Variants in BNC2 observed in about 807,000 individuals in gnomAD.
The protein encoded by BNC2 is basonuclin zinc finger protein 2.
BNC2 carries 20 observed loss-of-function variants against 76.3 expected under a neutral mutation model. That is an observed-to-expected ratio of 0.26 (90% CI 0.18 to 0.38). The LOEUF (loss-of-function observed/expected upper bound fraction) is 0.38. Ranked by LOEUF, BNC2 falls within the 10% of genes least tolerant of loss-of-function variation. The probability of loss-of-function intolerance (pLI) is 1.00; values close to 1 mark genes in which losing one functional copy is unlikely to be tolerated. For synonymous variants in BNC2, 582 were observed against 514.8 expected (o/e 1.13, Z -1.77); for missense variants, 1,382 against 1,399.8 (o/e 0.99, Z 0.20).
chr9:16,709,902 GA>G (rs1358704279), intron 3 of BNC2, among the ~76,000 whole-genome samples: 2 of 152,076 alleles, frequency 1.3e-5, no homozygotes, highest in Non-Finnish European at 2.9e-5. Flanking sequence ...ATATGAAGGG[GA>G]AAAGTGGTTA....
chr9:16,799,996 G>T (rs1263895332), intron 1 of BNC2, among the ~76,000 whole-genome samples: 1 of 152,022 alleles, frequency 6.6e-6, no homozygotes, highest in Admixed American at 6.5e-5. Flanking sequence ...AGGCACAGGT[G>T]GGCAGATCAC....
intron 6 of BNC2, among the ~76,000 whole-genome samples, chr9:16,427,849 A>G (rs16934651): frequency 0.023 from 3,510 of 152,196 alleles, 112 homozygotes; most frequent in African/African-American, 0.071. Flanking sequence ...TCCCTAATCA[A>G]CCGAGCACCA....
At chr9:16,869,237 A>G (rs1819616773) in intron 1 of BNC2, among the ~76,000 whole-genome samples, 1 of 152,104 alleles carries the variant, frequency 6.6e-6, no homozygotes, top group Non-Finnish European at 1.5e-5. Context: ...AAAACAGGCC[A>G]CTTTTTGCCA....
chr9:16,448,352 A>T (rs1283979374), intron 5 of BNC2, among the ~76,000 whole-genome samples: 1 of 152,132 alleles, frequency 6.6e-6, no homozygotes, highest in Non-Finnish European at 1.5e-5. Flanking sequence ...TTTTTACATG[A>T]TGATGGTGAT....
intron 2 of BNC2, among the ~76,000 whole-genome samples, chr9:16,736,214 C>CA (rs56153442): frequency 0.016 from 1,732 of 106,620 alleles, 32 homozygotes; most frequent in African/African-American, 0.048. Context: ...ACTCTGTTTC[C>CA]AAAAAAAAAA....
rs547075483 is a variant in BNC2 at position 16,803,418 on chromosome 9, G to A, written c.4-64933C>T. Among the ~76,000 whole-genome samples, 5 of 152,310 alleles carry A rather than the reference G, an allele frequency of 3.3e-5. No homozygotes were observed. In the South Asian group the frequency reaches 1.0e-3, roughly 32 times the overall value. The stretch of plus-strand genomic sequence containing the variant: ...GTTTTATTACAACGAAGGGAGGCAA[G>A]GGCTGGATTATCCAGCACATAGCAA... On this transcript the variant is annotated intron_variant, in intron 1 of 6. Transcript: ENST00000380672.
chr9:16,603,212 A>C (rs1166639116), intron 3 of BNC2, among the ~76,000 whole-genome samples: 2 of 152,202 alleles, frequency 1.3e-5, no homozygotes, highest in South Asian at 2.1e-4. Flanking sequence ...ATGTTCACAC[A>C]CTAGCAGATA....
chr9:16,576,566 C>T (rs1057238892), intron 4 of BNC2, among the ~76,000 whole-genome samples: 2 of 152,130 alleles, frequency 1.3e-5, no homozygotes, highest in African/African-American at 2.4e-5. Flanking sequence ...TAGACTGGGA[C>T]AAATAATAAA....
chr9:16,804,169 T>G (rs10962612), intron 1 of BNC2, among the ~76,000 whole-genome samples: 75,331 of 152,214 alleles, frequency 0.49, 25,066 homozygotes, highest in Non-Finnish European at 0.75. Flanking sequence ...GAGGAAAGAT[T>G]TGCATATGAG....
intron 5 of BNC2, among the ~76,000 whole-genome samples, chr9:16,467,711 T>A (rs13297644): frequency 1.5e-5 from 2 of 137,542 alleles, no homozygotes; most frequent in East Asian, 2.2e-4. Context: ...AGGGATAGCA[T>A]TGGGAGATAT....
intron 1 of BNC2, among the ~76,000 whole-genome samples, chr9:16,808,542 G>A (rs1012139727): frequency 4.9e-4 from 58 of 119,382 alleles, no homozygotes; most frequent in African/African-American, 1.8e-3. Flanking sequence ...TGGCTGTACT[G>A]CAGTGGTGTG....
chr9:16,450,026 A>C (rs1195757993), intron 5 of BNC2, among the ~76,000 whole-genome samples: 2 of 152,214 alleles, frequency 1.3e-5, no homozygotes, highest in African/African-American at 2.4e-5. Flanking sequence ...GTGACTTATA[A>C]CTAGTCCAGA....
At chr9:16,540,521 C>A (rs1200850508) in intron 5 of BNC2, among the ~76,000 whole-genome samples, 2 of 152,128 alleles carry the variant, frequency 1.3e-5, no homozygotes, top group African/African-American at 2.4e-5. Context: ...AACTATTTCT[C>A]AAATCCTTAA....
At chr9:16,431,385 A>G in intron 6 of BNC2, 1 of 444,846 alleles carries the variant, frequency 2.2e-6, no homozygotes, top group Non-Finnish European at 4.8e-6. Context: ...GAAATGATGA[A>G]AGGTAAATTA....
intron 1 of BNC2, among the ~76,000 whole-genome samples, chr9:16,843,239 A>T (rs566589564): frequency 3.9e-4 from 59 of 152,338 alleles, no homozygotes; most frequent in Non-Finnish European, 6.6e-4. Context: ...CAAAGCCAAT[A>T]CTCTTTAAAA....
chr9:16,646,917 G>A (rs1821645065), intron 3 of BNC2, among the ~76,000 whole-genome samples: 1 of 152,152 alleles, frequency 6.6e-6, no homozygotes, highest in Non-Finnish European at 1.5e-5. Flanking sequence ...AGTTACATAA[G>A]GTTCCCCATA....
chr9:16,545,781 T>C (rs1490489821), intron 5 of BNC2, among the ~76,000 whole-genome samples: 2 of 152,148 alleles, frequency 1.3e-5, no homozygotes, highest in African/African-American at 2.4e-5. Flanking sequence ...GCCACATCCA[T>C]GAAAATATCC....
At chr9:16,514,014 T>A (rs894341933) in intron 5 of BNC2, among the ~76,000 whole-genome samples, 8 of 152,220 alleles carry the variant, frequency 5.3e-5, no homozygotes, top group Non-Finnish European at 1.2e-4. Flanking sequence ...ATTAGCCAGA[T>A]AAGCAGGAAT....
At chr9:16,597,352 A>T (rs747284385) in intron 3 of BNC2, among the ~76,000 whole-genome samples, 6 of 152,188 alleles carry the variant, frequency 3.9e-5, no homozygotes, top group African/African-American at 1.2e-4. Flanking sequence ...TCAAGCAATG[A>T]AGAAACATTA....
Sources: gnomAD v4.1 joint callset for allele counts (sites outside exome capture counted in the v4.1 genomes callset) on GRCh38, gnomAD v4.1.1 for gene constraint, MANE v1.5 for transcripts, NCBI Gene and HGNC (gene_info 2026-07-23, HGNC 2026-07-21) for gene names.